The following SCTR variants were observed in gnomAD, a reference collection of about 807,000 sequenced individuals.
The protein encoded by SCTR is pancreatic secretin receptor.
A neutral mutation model predicts 60.8 loss-of-function variants in SCTR; 56 were observed. The ratio of observed to expected loss-of-function variants is 0.92; its 90% CI spans 0.74 to 1.15. SCTR has a LOEUF of 1.15. Among genes scored for constraint, SCTR ranks in the 50% most tolerant of loss-of-function variants. The pLI, the probability that SCTR is intolerant of heterozygous loss-of-function variation, is 0.00. For missense variants in SCTR, 562 were observed against 550.4 expected (o/e 1.02, Z -0.21); for synonymous variants, 202 against 217.0 (o/e 0.93, Z 0.61).
rs1196049645 is a variant in SCTR, at chr2:119,464,246, G to A, written c.513C>T (p.His171=). ...LGILCAFRRL[H]CTRNYIHMHL... ...GCATGTGGATGTAGTTGCGAGTGCAGTGGAGCCTCCTGCAGGGAGAGAATG... is the reference window on the plus strand; with the variant it reads ...GCATGTGGATGTAGTTGCGAGTGCAATGGAGCCTCCTGCAGGGAGAGAATG... Residue 171 remains histidine, a synonymous_variant, in exon 6 of 13, where the codon CAC becomes CAT. Coordinates refer to ENST00000019103, the MANE Select transcript of SCTR (RefSeq NM_002980.3). 1.2e-6 allele frequency: 2 copies of A among 1,614,100 alleles called. No individual in the cohort carries two copies. Among genetic ancestry groups the A allele is most frequent in the East Asian group, 4.5e-5 (2 of 44,890 alleles).
intron 1 of SCTR, among the ~76,000 whole-genome samples, chr2:119,506,377 A>C (rs1188253349): frequency 6.6e-6 from 1 of 152,224 alleles, no homozygotes; most frequent in East Asian, 1.9e-4. Flanking sequence ...TCGCCAGAGA[A>C]ATATGCTGAA....
chr2:119,447,733 G>A lies in SCTR; in HGVS notation c.1014-848C>T, dbSNP rs563982892. Among the ~76,000 whole-genome samples the A allele has an allele frequency of 1.6e-4, 25 of 152,230 alleles. No homozygotes were observed. The South Asian group carries it at 3.9e-3, about 24-fold the overall frequency. On this transcript the variant is annotated intron_variant, in intron 10 of 12. Transcript: ENST00000019103. ...ATTACAGGCGCCCTCCACCACGCCT[G>A]GCTAATTTTTGTATTTTTAGCAAAG...
chr2:119,458,027 C>T (rs149668561), intron 7 of SCTR, among the ~76,000 whole-genome samples: 19,945 of 152,140 alleles, frequency 0.13, 1,651 homozygotes, highest in East Asian at 0.31. Flanking sequence ...GGTGTGGTGG[C>T]TCATGCCTGT....
intron 1 of SCTR, among the ~76,000 whole-genome samples, chr2:119,499,927 A>C (rs1396902687): frequency 6.6e-6 from 1 of 152,156 alleles, no homozygotes; most frequent in Non-Finnish European, 1.5e-5. Flanking sequence ...TAAGACAAGA[A>C]AAAGAAATAA....
At chr2:119,520,911 C>T (rs1046845868) in intron 1 of SCTR, among the ~76,000 whole-genome samples, 3 of 152,150 alleles carry the variant, frequency 2.0e-5, no homozygotes, top group Admixed American at 6.6e-5. Context: ...TTTAAGGCAA[C>T]GGTTCTCAAG....
At chr2:119,440,290 A>C in intron 12 of SCTR, 33 bp from the exon 13 acceptor site, 4 of 1,600,046 alleles carry the variant, frequency 2.5e-6, no homozygotes, top group Non-Finnish European at 3.4e-6. Context: ...GCCCAGGAGG[A>C]GAGGACAGTT....
At chr2:119,473,161 C>A (rs1387719046) in intron 4 of SCTR, among the ~76,000 whole-genome samples, 1 of 152,172 alleles carries the variant, frequency 6.6e-6, no homozygotes, top group East Asian at 1.9e-4. Context: ...GTTAGCGTCT[C>A]TTTCAGTTGA....
At chr2:119,488,717 G>T (rs1677993125) in intron 2 of SCTR, among the ~76,000 whole-genome samples, 1 of 152,218 alleles carries the variant, frequency 6.6e-6, no homozygotes, top group Non-Finnish European at 1.5e-5. Context: ...AGGTCAGCTT[G>T]GCTGCACCGA....
intron 1 of SCTR, among the ~76,000 whole-genome samples, chr2:119,505,610 A>T (rs1462912585): frequency 6.6e-6 from 1 of 152,004 alleles, no homozygotes; most frequent in Non-Finnish European, 1.5e-5. Context: ...GCAAGGACAA[A>T]AAACCAAACA....
chr2:119,440,723 T>A (rs1481173756), intron 12 of SCTR, among the ~76,000 whole-genome samples: 1 of 152,182 alleles, frequency 6.6e-6, no homozygotes, highest in Admixed American at 6.5e-5. Context: ...CACTCAGTGA[T>A]GGGTCCCCAG....
At position 119,478,845 on chromosome 2, in the gene SCTR, G is replaced by T; in HGVS notation, c.267C>A (p.Cys89Ter). 2 of 1,614,142 alleles carry T rather than the reference G, an allele frequency of 1.2e-6. No individual in the cohort carries two copies. Among genetic ancestry groups the T allele is most frequent in the Non-Finnish European group, 1.7e-6 (2 of 1,180,026 alleles). ...TGGTGAGCATCCGGAGGAATCTCGG[G>T]CATTCCACCTCCACCATCCGGCCCG... ...SVPGRMVEVE[C>*]PRFLRMLTSR... Residue 89 changes from cysteine (C) to a stop codon, truncating the protein, a stop_gained, in exon 3 of 13, where the codon TGC (cysteine) becomes TGA (stop). Coordinates refer to ENST00000019103, the MANE Select transcript of SCTR (RefSeq NM_002980.3). LOFTEE classifies it high-confidence loss of function.
At chr2:119,458,298 C>T (rs1316310087) in intron 7 of SCTR, among the ~76,000 whole-genome samples, 9 of 135,814 alleles carry the variant, frequency 6.6e-5, no homozygotes, top group Admixed American at 5.2e-4. Flanking sequence ...AAAGAGAGAC[C>T]CTATCTTGAA....
chr2:119,443,309 G>A (rs1318435053), intron 11 of SCTR, among the ~76,000 whole-genome samples: 1 of 152,106 alleles, frequency 6.6e-6, no homozygotes, highest in Non-Finnish European at 1.5e-5. Flanking sequence ...GCATGATAGA[G>A]AATTAAACAA....
chr2:119,444,164 C>A (rs187066343), intron 11 of SCTR, among the ~76,000 whole-genome samples: 1 of 140,162 alleles, frequency 7.1e-6, no homozygotes. Context: ...TATATATATA[C>A]ACATATGTAT....
At chr2:119,450,351 G>A (rs1031631025) in intron 9 of SCTR, among the ~76,000 whole-genome samples, 4 of 152,082 alleles carry the variant, frequency 2.6e-5, no homozygotes, top group African/African-American at 9.7e-5. Flanking sequence ...GGAGCTGGCC[G>A]TCCTTCATCC....
At chr2:119,442,294 G>A (rs1682684635) in intron 11 of SCTR, among the ~76,000 whole-genome samples, 1 of 152,186 alleles carries the variant, frequency 6.6e-6, no homozygotes, top group Non-Finnish European at 1.5e-5. Flanking sequence ...ACTCCAGGCT[G>A]GGGCGCCTGC....
At chr2:119,451,139 C>T (rs546597843) in intron 9 of SCTR, among the ~76,000 whole-genome samples, 1 of 152,304 alleles carries the variant, frequency 6.6e-6, no homozygotes. Flanking sequence ...TCTCCCCCTA[C>T]CCCACGCAGG....
At chr2:119,470,568 T>A (rs1676962417) in intron 4 of SCTR, among the ~76,000 whole-genome samples, 1 of 152,186 alleles carries the variant, frequency 6.6e-6, no homozygotes, top group East Asian at 1.9e-4. Context: ...AAGCGTTACA[T>A]TTTCCTTTAT....
chr2:119,484,062 T>C (rs1294760354), intron 2 of SCTR, among the ~76,000 whole-genome samples: 1 of 152,124 alleles, frequency 6.6e-6, no homozygotes, highest in Non-Finnish European at 1.5e-5. Context: ...AGCCCAGGAC[T>C]AGGGTCATCC....
Sources: gnomAD v4.1 joint callset for allele counts (sites outside exome capture counted in the v4.1 genomes callset) on GRCh38, gnomAD v4.1.1 for gene constraint, MANE v1.5 for transcripts, NCBI Gene and HGNC (gene_info 2026-07-23, HGNC 2026-07-21) for gene names.